Variants in IDUA observed in about 807,000 individuals in gnomAD.
IDUA encodes iduronidase alpha-L-.
A neutral mutation model predicts 68.9 loss-of-function variants in IDUA; 65 were observed. The observed-to-expected ratio is 0.94, with a 90% CI of 0.77 to 1.16. The LOEUF (loss-of-function observed/expected upper bound fraction) is 1.16. Among genes scored for constraint, IDUA ranks in the 50% most tolerant of loss-of-function variants. The probability of loss-of-function intolerance (pLI) is 0.00; values close to 1 mark genes in which losing one functional copy is unlikely to be tolerated. For missense variants in IDUA, 1,046 were observed against 938.0 expected, an observed-to-expected ratio of 1.12 and a Z score of -1.50; for synonymous variants, 529 against 433.6, an observed-to-expected ratio of 1.22 and a Z score of -2.73.
intron 11 of IDUA, 27 bp from the exon 12 acceptor site, chr4:1,003,522 C>A (rs1050330561): frequency 6.2e-7 from 1 of 1,607,950 alleles, no homozygotes; most frequent in Non-Finnish European, 8.5e-7. Context: ...CCTTCCCCGA[C>A]GCCATCACAG....
intron 2 of IDUA, among the ~76,000 whole-genome samples, chr4:996,891 C>A (rs1714770712): frequency 6.6e-6 from 1 of 152,170 alleles, no homozygotes; most frequent in Non-Finnish European, 1.5e-5. Context: ...ACACCTCCTT[C>A]CTTCCCCGCT....
intron 2 of IDUA, among the ~76,000 whole-genome samples, chr4:994,563 G>A (rs1401885125): frequency 4.6e-5 from 7 of 151,434 alleles, no homozygotes; most frequent in South Asian, 4.2e-4. Flanking sequence ...TCAGCCTCCC[G>A]AGTAGCTGGG....
intron 2 of IDUA, chr4:989,787 G>C (rs140876735): frequency 6.4e-7 from 1 of 1,569,310 alleles, no homozygotes; most frequent in Non-Finnish European, 8.6e-7. Context: ...CGGGTAGCAC[G>C]TTGCAGCAGC....
At chr4:994,744 GCC>G (rs1714639195) in intron 2 of IDUA, among the ~76,000 whole-genome samples, 1 of 148,584 alleles carries the variant, frequency 6.7e-6, no homozygotes, top group South Asian at 2.3e-4. Flanking sequence ...GCCGCCCCCT[GCC>G]CCCCAACCTT....
chr4:1,001,700 C>CCTGCT lies in IDUA; in HGVS notation c.613_617dup (p.Glu207AlafsTer29), dbSNP rs786200915. 5.6e-6 allele frequency: 9 copies of CCTGCT among 1,600,328 alleles called. No homozygotes were observed. The East Asian group carries it at 2.0e-4, about 36-fold the overall frequency. On this transcript the variant is annotated frameshift_variant, in exon 6 of 14. Transcript: ENST00000514224. LOFTEE classifies it high-confidence loss of function. ...CCAGGCTTCCTGAACTACTACGATG[C>CCTGCT]CTGCTCGGAGGGTCTGCGCGCCGCC...
chr4:1,000,016 G>A (rs1037986651), intron 2 of IDUA: 4 of 145,392 alleles, frequency 2.8e-5, no homozygotes, highest in Admixed American at 6.5e-5. Flanking sequence ...CTCCCTTGAC[G>A]ACGCCTGTCC....
At chr4:988,119 G>A (rs1233906163) in intron 2 of IDUA, 170 bp downstream of exon 2, 4 of 1,419,620 alleles carry the variant, frequency 2.8e-6, no homozygotes, top group Non-Finnish European at 3.7e-6. Flanking sequence ...GCTGTGTGCT[G>A]GAGGGAGCCC....
chr4:993,632 G>A (rs534122983), intron 2 of IDUA, among the ~76,000 whole-genome samples: 4 of 119,462 alleles, frequency 3.3e-5, no homozygotes, highest in South Asian at 3.1e-4. Flanking sequence ...CGGCCCTGCC[G>A]GGGGGGCTTA....
rs184807155 is a variant in IDUA at position 1,003,338 on chromosome 4, C to A, written c.1525-7C>A. On this transcript the variant is annotated splice_polypyrimidine_tract_variant and splice_region_variant and intron_variant, in intron 10 of 13. Coordinates refer to ENST00000514224, the MANE Select transcript of IDUA (RefSeq NM_000203.5). ...GGAGAACCCTGAGGACCGGCCACTG[C>A]GCCCAGGACCCGGTGGCCGCGGCGC... 7 of 1,449,882 alleles carry A rather than the reference C, an allele frequency of 4.8e-6. No homozygotes were observed. Among genetic ancestry groups the A allele is most frequent in the African/African-American group, 1.5e-5 (1 of 66,968 alleles). 89.8% of individuals were successfully genotyped at this position (1,449,882 alleles called of 1,614,324 possible).
At chr4:991,669 C>G (rs1331379893) in intron 2 of IDUA, 2 of 1,537,018 alleles carry the variant, frequency 1.3e-6, no homozygotes, top group Non-Finnish European at 1.7e-6. Context: ...CACCGGCCCT[C>G]TGCCCTGCTG....
In IDUA at chr4:987,895, A is replaced by C. The variant is rs794727239; in HGVS notation, c.245A>C (p.His82Pro). The C allele has an allele frequency of 1.2e-6, 2 of 1,609,272 alleles. No individual in the cohort carries two copies. Among genetic ancestry groups the C allele is most frequent in the Non-Finnish European group, 1.7e-6 (2 of 1,178,658 alleles). The change falls in exon 2 of 14, where the codon CAC becomes CCC. Residue 82 changes from histidine to proline, a missense_variant. Coordinates refer to ENST00000514224, the MANE Select transcript of IDUA (RefSeq NM_000203.5). The part of the protein sequence containing the change: ...LNLAYVGAVP[H>P]RGIKQVRTHW... The stretch of plus-strand genomic sequence containing the variant: ...CTCGCCTATGTGGGCGCCGTCCCTC[A>C]CCGCGGCATCAAGCAGGTCCGGACC...
chr4:1,004,042 T>C lies in IDUA; in HGVS notation c.1758T>C (p.Ser586=), dbSNP rs766308077. ...TGTGGACATACGAGATCCAGTTCTC[T>C]CAGGACGGTAAGGCGTACACCCCGG... ...KCLWTYEIQF[S]QDGKAYTPVS... The change falls in exon 13 of 14, where the codon TCT becomes TCC. Residue 586 remains serine (S), a synonymous_variant. Transcript: ENST00000514224. This position sits in a 1 kb window ranked among gnomAD's most constrained non-coding sequence, Gnocchi z 5.0. 5 of 1,611,940 alleles carry C rather than the reference T, an allele frequency of 3.1e-6. No individual in the cohort carries two copies. The South Asian group carries it at 5.5e-5, about 18-fold the overall frequency.
At chr4:989,182 C>T in intron 2 of IDUA, 1 of 1,607,396 alleles carries the variant, frequency 6.2e-7, no homozygotes, top group Non-Finnish European at 8.5e-7. Context: ...CTGGGCAGGG[C>T]CTCCCTCACC....
intron 2 of IDUA, among the ~76,000 whole-genome samples, chr4:998,877 C>T (rs2153021012): frequency 6.6e-6 from 1 of 151,670 alleles, no homozygotes; most frequent in East Asian, 1.9e-4. Context: ...CCATACCTCT[C>T]TGGGCAACCC....
At chr4:1,003,206 G>C (rs574084547) in intron 10 of IDUA, 49 bp downstream of exon 10, 2 of 1,292,884 alleles carry the variant, frequency 1.5e-6, no homozygotes, top group Non-Finnish European at 9.8e-7. Flanking sequence ...CGGGGTCCCG[G>C]GGGGGTGGGG....
Position 1,003,516 on chromosome 4 carries a change from C to A in IDUA, c.1651-33C>A, listed in dbSNP as rs376482476. The A allele has an allele frequency of 2.9e-5, 47 of 1,605,986 alleles. No individual in the cohort carries two copies. In the African/African-American group the frequency reaches 5.9e-4, roughly 20 times the overall value. Reference sequence around the variant, plus strand: ...CCGCGCCGCGGCCCGGACTCCCCTTCCCCGACGCCATCACAGCCCTTCCCT... The same window carrying A: ...CCGCGCCGCGGCCCGGACTCCCCTTACCCGACGCCATCACAGCCCTTCCCT... On this transcript the variant is annotated intron_variant, in intron 11 of 13. Transcript: ENST00000514224.
chr4:1,002,511 C>G (rs1225087808), intron 8 of IDUA, 26 bp downstream of exon 8: 4 of 1,480,738 alleles, frequency 2.7e-6, no homozygotes, highest in Non-Finnish European at 2.7e-6. Context: ...TGGGGTGGGC[C>G]GGCCAGGGCC....
chr4:988,685 G>C (rs1713946354), intron 2 of IDUA: 18 of 1,413,794 alleles, frequency 1.3e-5, no homozygotes, highest in Non-Finnish European at 1.7e-5. Context: ...TTTCCCAGTT[G>C]GGGTTCCCCG....
Position 1,004,513 on chromosome 4 carries a change from TC to T in IDUA, c.*121del, listed in dbSNP as rs1715327219. 3.9e-5 allele frequency: 41 copies of T among 1,045,118 alleles called. No individual in the cohort carries two copies. The highest frequency in any genetic ancestry group is 5.5e-5 in the Non-Finnish European group (40 of 733,800). The allele number at this position is 1,045,118 out of a possible 1,614,324, so 64.7% of individuals were successfully genotyped here. A position where few individuals can be genotyped will look rare whatever the true frequency, so the allele number is the denominator to read the frequency against. ...AATATATTTTTATATTTTATTATTT[TC>T]TTTTATATCTTGGTACCAACGCCCC... On this transcript the variant is annotated 3_prime_UTR_variant, in exon 14 of 14. Transcript: ENST00000514224. This position sits in a 1 kb window ranked among gnomAD's most constrained non-coding sequence, Gnocchi z 5.0.
Sources: gnomAD v4.1 joint callset for allele counts (sites outside exome capture counted in the v4.1 genomes callset) on GRCh38, gnomAD v4.1.1 for gene constraint, Gnocchi (gnomAD v3.1) non-coding constraint, MANE v1.5 for transcripts, NCBI Gene and HGNC (gene_info 2026-07-23, HGNC 2026-07-21) for gene names.